The following SORCS2 variants were observed in gnomAD, a reference collection of about 807,000 sequenced individuals.
SORCS2 encodes sortilin related VPS10 domain containing receptor 2.
A neutral mutation model predicts 141.6 loss-of-function variants in SORCS2; 100 were observed. The observed-to-expected ratio is 0.71, with a 90% CI of 0.60 to 0.83. The LOEUF is 0.83. Ranked by LOEUF, SORCS2 falls within the 40% of genes least tolerant of loss-of-function variation. The pLI, the probability that SORCS2 is intolerant of heterozygous loss-of-function variation, is 0.00. For missense variants in SORCS2, 1,646 were observed against 1,560.2 expected (o/e 1.05, Z -0.93); for synonymous variants, 789 against 676.9 (o/e 1.17, Z -2.57).
intron 1 of SORCS2, among the ~76,000 whole-genome samples, chr4:7,374,175 CTT>C (rs1560229480): frequency 8.1e-6 from 1 of 122,982 alleles, no homozygotes; most frequent in African/African-American, 3.2e-5. Context: ...TTCTTTCTTT[CTT>C]TCTTTCTTTC....
intron 10 of SORCS2, among the ~76,000 whole-genome samples, chr4:7,688,053 C>T (rs559559746): frequency 5.3e-5 from 8 of 152,314 alleles, no homozygotes; most frequent in Admixed American, 2.6e-4. Context: ...ACCACCTGGT[C>T]GCATCTTATC....
At chr4:7,689,294 C>G (rs776366444) in intron 10 of SORCS2, among the ~76,000 whole-genome samples, 192 bp from the exon 11 acceptor site, 3 of 152,122 alleles carry the variant, frequency 2.0e-5, no homozygotes, top group Non-Finnish European at 4.4e-5. Context: ...TGAAGCTTCC[C>G]TTGTACTTCC....
chr4:7,738,369 T>G (rs1351832123), intron 26 of SORCS2, among the ~76,000 whole-genome samples: 1 of 152,216 alleles, frequency 6.6e-6, no homozygotes, highest in Non-Finnish European at 1.5e-5. Context: ...TCCCTAGAGC[T>G]GAGGACATGG....
chr4:7,599,564 T>C (rs1436641010), intron 3 of SORCS2, among the ~76,000 whole-genome samples: 1 of 152,178 alleles, frequency 6.6e-6, no homozygotes, highest in Non-Finnish European at 1.5e-5. Context: ...ACACCTTGGC[T>C]GCTGTTGACG....
chr4:7,609,404 A>G (rs983500327), intron 3 of SORCS2, among the ~76,000 whole-genome samples: 3 of 152,090 alleles, frequency 2.0e-5, no homozygotes, highest in Admixed American at 6.6e-5. Flanking sequence ...GTGGCAGTCA[A>G]GGCGCCTCTA....
chr4:7,263,026 T>C (rs1164718137), intron 1 of SORCS2, among the ~76,000 whole-genome samples: 1 of 152,182 alleles, frequency 6.6e-6, no homozygotes, highest in East Asian at 1.9e-4. Context: ...GCCTGCCTTC[T>C]GCTTCCCGAC....
At chr4:7,311,102 C>T (rs899717106) in intron 1 of SORCS2, among the ~76,000 whole-genome samples, 13 of 152,182 alleles carry the variant, frequency 8.5e-5, no homozygotes, top group African/African-American at 2.9e-4. Context: ...CCCTCCTTGG[C>T]CTCCTCCCAG....
At chr4:7,501,811 T>C (rs1439437140) in intron 2 of SORCS2, among the ~76,000 whole-genome samples, 3 of 152,242 alleles carry the variant, frequency 2.0e-5, no homozygotes, top group Non-Finnish European at 4.4e-5. Context: ...CCTGAATTAA[T>C]TATGTACCTG....
chr4:7,677,319 G>C (rs1289392313), intron 9 of SORCS2, among the ~76,000 whole-genome samples: 1 of 152,232 alleles, frequency 6.6e-6, no homozygotes, highest in South Asian at 2.1e-4. Flanking sequence ...CCCCGGCCAG[G>C]CCGCTCACAG....
chr4:7,493,562 G>A (rs1362993173), intron 2 of SORCS2, among the ~76,000 whole-genome samples: 1 of 152,162 alleles, frequency 6.6e-6, no homozygotes, highest in African/African-American at 2.4e-5. Context: ...TTGGGCTTCA[G>A]TTTCCCCAGC....
chr4:7,386,682 C>A (rs1723362048), intron 1 of SORCS2, among the ~76,000 whole-genome samples: 1 of 151,130 alleles, frequency 6.6e-6, no homozygotes, highest in African/African-American at 2.4e-5. Context: ...TAGGTACATG[C>A]ATGCACACAT....
At chr4:7,641,820 G>A (rs1257818760) in intron 4 of SORCS2, among the ~76,000 whole-genome samples, 2 of 149,992 alleles carry the variant, frequency 1.3e-5, no homozygotes, top group Non-Finnish European at 3.0e-5. Flanking sequence ...ATGGATGGGT[G>A]GGTGGATGGA....
Position 7,588,185 on chromosome 4 carries a change from C to G in SORCS2, c.649-50143C>G, listed in dbSNP as rs1162063992. ...GAACATCTTCTGCGGTCGGCAAATC[C>G]TTTCTGTTCTCTGGGCCGCCAAACC... On this transcript the variant is annotated intron_variant, in intron 3 of 26. Coordinates refer to ENST00000507866, the MANE Select transcript of SORCS2 (RefSeq NM_020777.3). Among the ~76,000 whole-genome samples the G allele has an allele frequency of 5.9e-5, 9 of 152,282 alleles. No homozygotes were observed. The East Asian group carries it at 1.7e-3, about 29-fold the overall frequency.
intron 2 of SORCS2, among the ~76,000 whole-genome samples, chr4:7,427,826 A>G (rs13435538): frequency 0.68 from 101,395 of 149,886 alleles, 34,202 homozygotes; most frequent in East Asian, 0.81. Context: ...GCCCCTCCCC[A>G]ACGATCCCAC....
At chr4:7,711,174 G>T (rs978983253) in intron 14 of SORCS2, among the ~76,000 whole-genome samples, 2 of 152,210 alleles carry the variant, frequency 1.3e-5, no homozygotes, top group Non-Finnish European at 2.9e-5. Flanking sequence ...TCTGCCTCTT[G>T]GGACTGTTCT....
At chr4:7,522,229 C>T (rs2109508143) in intron 2 of SORCS2, among the ~76,000 whole-genome samples, 1 of 152,274 alleles carries the variant, frequency 6.6e-6, no homozygotes, top group Non-Finnish European at 1.5e-5. Context: ...GGGCTCCTCA[C>T]CCTGAGGAGG....
At chr4:7,737,232 C>G in intron 26 of SORCS2, 60 bp downstream of exon 26, 2 of 1,539,794 alleles carry the variant, frequency 1.3e-6, no homozygotes, top group Non-Finnish European at 1.8e-6. Flanking sequence ...CCGCCCCAAA[C>G]CCACCCCGCC....
At chr4:7,370,745 C>T (rs1158419313) in intron 1 of SORCS2, among the ~76,000 whole-genome samples, 2 of 152,190 alleles carry the variant, frequency 1.3e-5, no homozygotes, top group Admixed American at 6.5e-5. Flanking sequence ...TCCTGTGTGA[C>T]ATTTCTCTGG....
chr4:7,348,804 C>T (rs1025667372), intron 1 of SORCS2, among the ~76,000 whole-genome samples: 1 of 152,228 alleles, frequency 6.6e-6, no homozygotes, highest in Non-Finnish European at 1.5e-5. Flanking sequence ...CCACCCACGT[C>T]AGTCTCCCAA....
Sources: gnomAD v4.1 joint callset for allele counts (sites outside exome capture counted in the v4.1 genomes callset) on GRCh38, gnomAD v4.1.1 for gene constraint, MANE v1.5 for transcripts, NCBI Gene and HGNC (gene_info 2026-07-23, HGNC 2026-07-21) for gene names.